CHODL: variants seen among roughly 807,000 people sequenced by gnomAD.
CHODL encodes the protein chondrolectin.
CHODL carries 29 observed loss-of-function variants against 34.5 expected under a neutral mutation model. The observed-to-expected ratio is 0.84, with a 90% confidence interval of 0.63 to 1.15. CHODL has a LOEUF of 1.15. Ranked by LOEUF, CHODL falls within the 50% of genes most tolerant of loss-of-function variation. The pLI, the probability that CHODL is intolerant of heterozygous loss-of-function variation, is 0.00. For missense variants in CHODL, 332 were observed against 332.5 expected (o/e 1.00, Z 0.01); for synonymous variants, 125 against 116.1 (o/e 1.08, Z -0.49).
At position 18,266,274 on chromosome 21, in the gene CHODL, C is replaced by G; in HGVS notation, c.*236C>G. ...TTTGCTAAAGGATGCACCCAAACTTCAAACTTCAAGCAAATGAAATGGACA... is the reference window on the plus strand; with the variant it reads ...TTTGCTAAAGGATGCACCCAAACTTGAAACTTCAAGCAAATGAAATGGACA... On this transcript the variant is annotated 3_prime_UTR_variant, in exon 6 of 6. Transcript: ENST00000299295. 1 of 1,353,256 alleles carries G rather than the reference C, an allele frequency of 7.4e-7. No individual in the cohort carries two copies. Among genetic ancestry groups the G allele is most frequent in the Non-Finnish European group, 9.8e-7 (1 of 1,016,224 alleles). 83.8% of individuals were successfully genotyped at this position (1,353,256 alleles called of 1,614,324 possible). A position where few individuals can be genotyped will look rare whatever the true frequency, so the allele number is the denominator to read the frequency against.
intron 2 of CHODL, among the ~76,000 whole-genome samples, chr21:18,150,382 T>A (rs1422031992): frequency 6.6e-6 from 1 of 152,130 alleles, no homozygotes; most frequent in African/African-American, 2.4e-5. Flanking sequence ...TCAGGTTAAA[T>A]TGTAAGAGTG....
intron 1 of CHODL, among the ~76,000 whole-genome samples, chr21:18,008,475 CCATTTCCCCCTCCCCTCACAACTCT>C (rs1192868324): frequency 2.6e-5 from 4 of 152,056 alleles, no homozygotes; most frequent in Non-Finnish European, 5.9e-5. Context: ...GAACAACTCT[CCATTTCCCCCTCCCCTCACAACTCT>C]CCATTTCCCC....
At position 18,256,568 on chromosome 21, in the gene CHODL, G is replaced by T; in HGVS notation, c.139G>T (p.Glu47Ter). 6.2e-7 allele frequency: 1 copy of T among 1,613,424 alleles called. No homozygotes were observed. The highest frequency in any genetic ancestry group is 8.5e-7 in the Non-Finnish European group (1 of 1,179,936). The part of the protein sequence containing the change: ...HPCYKMAYFH[E>*]LSSRVSFQEA... ...CTGCTACAAAATGGCCTACTTCCAT[G>T]AACTGTCCAGCCGAGTGAGCTTTCA... Residue 47 changes from glutamate to a stop codon, truncating the protein, a stop_gained, in exon 2 of 6, where the codon GAA becomes TAA. Transcript: ENST00000299295. LOFTEE classifies it high-confidence loss of function.
chr21:18,120,666 C>T (rs2065468819), intron 2 of CHODL, among the ~76,000 whole-genome samples: 1 of 152,092 alleles, frequency 6.6e-6, no homozygotes, highest in Non-Finnish European at 1.5e-5. Flanking sequence ...TCTATCTATA[C>T]ATATACACAT....
intron 1 of CHODL, among the ~76,000 whole-genome samples, chr21:18,249,963 G>C (rs2146794054): frequency 6.6e-6 from 1 of 152,282 alleles, no homozygotes; most frequent in South Asian, 2.1e-4. Context: ...ACTTTTTCTA[G>C]TTGAACAGTC....
At chr21:18,094,742 C>A (rs1312869314) in intron 2 of CHODL, among the ~76,000 whole-genome samples, 69 of 126,484 alleles carry the variant, frequency 5.5e-4, no homozygotes, top group East Asian at 1.1e-3. Flanking sequence ...ATGTCTACAT[C>A]AAAAAAAAAA....
In CHODL at chr21:18,171,114, G is replaced by T. The variant is rs35789815; in HGVS notation, c.-44-85395G>T. ...TTGGTAATTTATAACTCCAGAATTT[G>T]TTTTTTTTTTTAATTGATAGTCTGT... On this transcript the variant is annotated intron_variant, in intron 2 of 6. Coordinates refer to the CHODL transcript ENST00000400127. 8.4e-5 allele frequency among the ~76,000 whole-genome samples: 11 copies of T among 131,286 alleles called. 1 individual carries two copies. The East Asian group carries it at 1.7e-3, about 20-fold the overall frequency. 86.1% of individuals were successfully genotyped at this position (131,286 alleles called of 152,430 possible). A position where few individuals can be genotyped will look rare whatever the true frequency, so the allele number is the denominator to read the frequency against.
intron 2 of CHODL, among the ~76,000 whole-genome samples, chr21:18,078,427 C>T (rs948802436): frequency 4.6e-5 from 7 of 152,074 alleles, no homozygotes; most frequent in Admixed American, 2.6e-4. Flanking sequence ...GTCCCTCCCA[C>T]GACATGTGGG....
In CHODL at chr21:18,262,678, T is replaced by C. The variant is rs1424132585; in HGVS notation, c.635-113T>C. The C allele has an allele frequency of 7.7e-6, 5 of 647,378 alleles. No individual in the cohort carries two copies. In the East Asian group the frequency reaches 1.3e-4, roughly 17 times the overall value. 40.1% of individuals were successfully genotyped at this position (647,378 alleles called of 1,614,324 possible). A position where few individuals can be genotyped will look rare whatever the true frequency, so the allele number is the denominator to read the frequency against. The stretch of plus-strand genomic sequence containing the variant: ...CAATATTTTGAGAAGAACTTTGGGG[T>C]CAATTTATTGAAAATTCTATTTCAC... On this transcript the variant is annotated intron_variant, in intron 4 of 5. Transcript: ENST00000299295.
At chr21:18,101,721 T>G (rs865824144) in intron 2 of CHODL, among the ~76,000 whole-genome samples, 9 of 152,134 alleles carry the variant, frequency 5.9e-5, no homozygotes, top group South Asian at 2.1e-4. Context: ...AACATTTTTT[T>G]TTTTTTTTGC....
At chr21:17,995,631 G>T (rs1328201660) in intron 1 of CHODL, among the ~76,000 whole-genome samples, 5 of 152,206 alleles carry the variant, frequency 3.3e-5, no homozygotes, top group South Asian at 2.1e-4. Context: ...ATTCTTAAAT[G>T]ATACTAAACA....
intron 3 of CHODL, among the ~76,000 whole-genome samples, chr21:18,257,468 A>G (rs978066684): frequency 2.0e-5 from 3 of 152,232 alleles, no homozygotes; most frequent in Non-Finnish European, 4.4e-5. Context: ...TGTGGGAAGT[A>G]GATGTAAGTT....
At position 18,047,917 on chromosome 21, in the gene CHODL, C is replaced by G. The variant is rs17002295; in HGVS notation, c.-45+19946C>G. Among the ~76,000 whole-genome samples, 439 of 151,972 alleles carry G rather than the reference C, an allele frequency of 2.9e-3. 2 individuals carry two copies. Among genetic ancestry groups the G allele is most frequent in the African/African-American group, 0.01 (421 of 41,472 alleles). On this transcript the variant is annotated intron_variant, in intron 2 of 6. Coordinates refer to the CHODL transcript ENST00000400127. ...AGGCCATTTTTTAATGTTCCATAAC[C>G]AAAACTTTAACTAACCATCTTGGGA... is the stretch of plus-strand genomic sequence containing the variant.
chr21:18,236,485 C>T (rs2074029800), intron 2 of CHODL, among the ~76,000 whole-genome samples: 1 of 152,082 alleles, frequency 6.6e-6, no homozygotes, highest in Admixed American at 6.6e-5. Context: ...GAAACTCTGA[C>T]TTTCAAAGTG....
chr21:18,122,091 C>A (rs2065486679), intron 2 of CHODL, among the ~76,000 whole-genome samples: 1 of 152,098 alleles, frequency 6.6e-6, no homozygotes, highest in Admixed American at 6.5e-5. Context: ...GATTACCTTG[C>A]TTTAATCTCT....
intron 2 of CHODL, among the ~76,000 whole-genome samples, chr21:18,092,088 C>T (rs925504164): frequency 6.6e-6 from 1 of 152,138 alleles, no homozygotes; most frequent in Non-Finnish European, 1.5e-5. Context: ...CAGGTCTAAG[C>T]CAGAGCAGTT....
intron 2 of CHODL, among the ~76,000 whole-genome samples, chr21:18,040,642 T>C (rs1259965904): frequency 1.3e-5 from 2 of 151,864 alleles, no homozygotes; most frequent in Non-Finnish European, 2.9e-5. Context: ...TTTACACTAT[T>C]GCTCTAAGCT....
At chr21:17,932,679 C>A (rs1383093576) in intron 1 of CHODL, among the ~76,000 whole-genome samples, 1 of 152,108 alleles carries the variant, frequency 6.6e-6, no homozygotes, top group East Asian at 1.9e-4. Context: ...ATTTGGAGGC[C>A]ATTATTCTAA....
At chr21:17,946,827 G>C (rs1263841465) in intron 1 of CHODL, among the ~76,000 whole-genome samples, 1 of 152,122 alleles carries the variant, frequency 6.6e-6, no homozygotes, top group Non-Finnish European at 1.5e-5. Flanking sequence ...GCAGTATATA[G>C]TTGGGTCTGA....
Sources: gnomAD v4.1 joint callset for allele counts (sites outside exome capture counted in the v4.1 genomes callset) on GRCh38, gnomAD v4.1.1 for gene constraint, MANE v1.5 for transcripts, NCBI Gene and HGNC (gene_info 2026-07-23, HGNC 2026-07-21) for gene names.